Variants in PPP2R2C observed in about 807,000 individuals in gnomAD.
PPP2R2C encodes protein phosphatase 2 regulatory subunit Bgamma, also known as protein phosphatase 2, regulatory subunit B, gamma.
A neutral mutation model predicts 45.3 loss-of-function variants in PPP2R2C; 10 were observed. The ratio of observed to expected loss-of-function variants is 0.22; its 90% CI spans 0.14 to 0.37. The LOEUF is 0.37. Among genes scored for constraint, PPP2R2C ranks in the 10% least tolerant of loss-of-function variants. The pLI, the probability that PPP2R2C is intolerant of heterozygous loss-of-function variation, is 1.00. For missense variants in PPP2R2C, 308 were observed against 619.7 expected, an observed-to-expected ratio of 0.50 and a Z score of 5.34; for synonymous variants, 257 against 245.4, an observed-to-expected ratio of 1.05 and a Z score of -0.44.
At chr4:6,387,451 T>C (rs941099698) in intron 1 of PPP2R2C, among the ~76,000 whole-genome samples, 1 of 152,200 alleles carries the variant, frequency 6.6e-6, no homozygotes, top group Non-Finnish European at 1.5e-5. Flanking sequence ...ACTCTTTTAA[T>C]GTGCCGAAAG....
chr4:6,478,556 C>T (rs1284093369), intron 2 of PPP2R2C, among the ~76,000 whole-genome samples: 1 of 152,188 alleles, frequency 6.6e-6, no homozygotes, highest in Non-Finnish European at 1.5e-5. Flanking sequence ...GAGTGAGAAA[C>T]ACGCATGTGA....
intron 1 of PPP2R2C, among the ~76,000 whole-genome samples, chr4:6,450,080 GAC>G (rs1162973980): frequency 6.6e-6 from 1 of 152,254 alleles, no homozygotes; most frequent in Non-Finnish European, 1.5e-5. Flanking sequence ...AGCTCTGGGA[GAC>G]ACTGGGTATG....
chr4:6,361,584 A>G (rs1318369684), intron 5 of PPP2R2C, among the ~76,000 whole-genome samples: 1 of 152,264 alleles, frequency 6.6e-6, no homozygotes, highest in African/African-American at 2.4e-5. Context: ...GTTAAATTGA[A>G]TTTAGTTAAA....
At chr4:6,421,180 G>A in intron 1 of PPP2R2C, 1 of 961,178 alleles carries the variant, frequency 1.0e-6, no homozygotes, top group African/African-American at 1.8e-5. Context: ...CATGACCAGT[G>A]GGGGCCAATC....
intron 1 of PPP2R2C, chr4:6,414,012 CA>C: frequency 6.5e-7 from 1 of 1,531,978 alleles, no homozygotes; most frequent in South Asian, 1.2e-5. Flanking sequence ...TGGCCAAAAC[CA>C]GATCTATGTG....
intron 1 of PPP2R2C, among the ~76,000 whole-genome samples, chr4:6,442,248 A>AC (rs1720193181): frequency 6.6e-6 from 1 of 151,944 alleles, no homozygotes; most frequent in African/African-American, 2.4e-5. Context: ...CACTATCTGC[A>AC]CCCCCAGCAG....
At chr4:6,518,010 A>C (rs1723880976) in intron 2 of PPP2R2C, among the ~76,000 whole-genome samples, 1 of 152,238 alleles carries the variant, frequency 6.6e-6, no homozygotes, top group Non-Finnish European at 1.5e-5. Context: ...ACCCCACCTG[A>C]CAGTATCAGA....
Position 6,364,110 on chromosome 4 carries a change from G to T in PPP2R2C, c.625+8413C>A, listed in dbSNP as rs1276318450. Among the ~76,000 whole-genome samples the T allele has an allele frequency of 6.6e-6, 1 of 152,206 alleles. No homozygotes were observed. The highest frequency in any genetic ancestry group is 2.4e-5 in the African/African-American group (1 of 41,456). On this transcript the variant is annotated intron_variant, in intron 5 of 8. Coordinates refer to ENST00000382599, the MANE Select transcript of PPP2R2C (RefSeq NM_020416.4). The surrounding 1 kb of genome is among the most constrained non-coding windows in gnomAD (Gnocchi z 5.3). ...GAGAGGCGGGAAATGAACAGGGAAC[G>T]AGGTAGAGGCCAAGCCTCTAGGGAA...
At chr4:6,562,449 G>A (rs897893942) in intron 1 of PPP2R2C, among the ~76,000 whole-genome samples, 1 of 137,320 alleles carries the variant, frequency 7.3e-6, no homozygotes, top group Non-Finnish European at 1.6e-5. Flanking sequence ...GGGATAATGT[G>A]GGGAGGATTC....
chr4:6,337,108 GTGTGTA>G lies in PPP2R2C; in HGVS notation c.791-3383_791-3378del, dbSNP rs1453121827. Among the ~76,000 whole-genome samples the G allele has an allele frequency of 3.7e-3, 123 of 33,236 alleles. 6 individuals carry two copies. Among genetic ancestry groups the G allele is most frequent in the East Asian group, 8.1e-3 (7 of 868 alleles). 21.8% of individuals were successfully genotyped at this position (33,236 alleles called of 152,430 possible). A position where few individuals can be genotyped will look rare whatever the true frequency, so the allele number is the denominator to read the frequency against. On this transcript the variant is annotated intron_variant, in intron 6 of 8. Transcript: ENST00000382599. Reference sequence around the variant, plus strand: ...TTGGCATCTTTGTTTCTGTATGTGTGTGTGTATATATATATATATATATATATATAT... The same window carrying G: ...TTGGCATCTTTGTTTCTGTATGTGTGTATATATATATATATATATATATAT...
chr4:6,381,557 C>T, intron 1 of PPP2R2C: 3 of 1,414,804 alleles, frequency 2.1e-6, no homozygotes, highest in South Asian at 3.0e-5. Context: ...TAGGGGCCCA[C>T]TCAGGGCTTC....
chr4:6,349,801 G>C, intron 5 of PPP2R2C: 1 of 848,970 alleles, frequency 1.2e-6, no homozygotes, highest in South Asian at 5.4e-5. Context: ...TGAGGCAGGG[G>C]AATCACGTGA....
At chr4:6,478,028 A>G (rs1400948169) in intron 2 of PPP2R2C, among the ~76,000 whole-genome samples, 1 of 152,150 alleles carries the variant, frequency 6.6e-6, no homozygotes, top group Non-Finnish European at 1.5e-5. Context: ...AGGTCTTCAC[A>G]GTCTGGCCCC....
chr4:6,481,126 T>C (rs1722332386), intron 2 of PPP2R2C, among the ~76,000 whole-genome samples: 2 of 152,248 alleles, frequency 1.3e-5, no homozygotes, highest in African/African-American at 2.4e-5. Flanking sequence ...GCTGTTTTTG[T>C]CTTAACTTTG....
At chr4:6,539,467 C>T (rs537160723) in intron 1 of PPP2R2C, among the ~76,000 whole-genome samples, 14 of 152,338 alleles carry the variant, frequency 9.2e-5, no homozygotes, top group African/African-American at 3.1e-4. Context: ...TATTGTGTCA[C>T]GCTTCACCGG....
chr4:6,356,787 T>C (rs1391935019), intron 5 of PPP2R2C, among the ~76,000 whole-genome samples: 4 of 151,774 alleles, frequency 2.6e-5, no homozygotes, highest in African/African-American at 9.7e-5. Flanking sequence ...AGCCTCGGGC[T>C]AGCCTCTCAG....
intron 1 of PPP2R2C, chr4:6,383,799 G>A: frequency 9.8e-7 from 1 of 1,015,606 alleles, no homozygotes; most frequent in South Asian, 3.8e-5. Context: ...TTCAAATGGT[G>A]CCTGTATGCA....
At chr4:6,399,669 G>A (rs964144308) in intron 1 of PPP2R2C, among the ~76,000 whole-genome samples, 3 of 152,232 alleles carry the variant, frequency 2.0e-5, no homozygotes, top group African/African-American at 7.2e-5. Flanking sequence ...CCCTAGGAGA[G>A]GCCCAAGGCT....
intron 1 of PPP2R2C, chr4:6,420,929 C>T (rs1413671538): frequency 1.0e-6 from 1 of 984,942 alleles, no homozygotes; most frequent in Non-Finnish European, 1.2e-6. Context: ...TACCAAGCCT[C>T]CTCCTACGCC....
Sources: allele counts gnomAD v4.1 joint callset (sites outside exome capture counted in the v4.1 genomes callset), GRCh38; gene constraint gnomAD v4.1.1; non-coding constraint Gnocchi (gnomAD v3.1); transcripts MANE v1.5; gene names NCBI Gene and HGNC (gene_info 2026-07-23, HGNC 2026-07-21).